The following ASIC1 variants were observed in gnomAD, a reference collection of about 807,000 sequenced individuals.
The protein encoded by ASIC1 is acid sensing ion channel subunit 1.
A neutral mutation model predicts 63.4 loss-of-function variants in ASIC1; 21 were observed. The ratio of observed to expected loss-of-function variants is 0.33; its 90% CI spans 0.23 to 0.48. The LOEUF (loss-of-function observed/expected upper bound fraction) is 0.48, where lower values mean the gene tolerates loss of function less well. Ranked by LOEUF, ASIC1 falls within the 20% of genes least tolerant of loss-of-function variation. The pLI is 0.99. For synonymous variants in ASIC1, 258 were observed against 278.2 expected, an observed-to-expected ratio of 0.93 and a Z score of 0.72; for missense variants, 478 against 695.5, an observed-to-expected ratio of 0.69 and a Z score of 3.52.
rs991791233 is a variant in ASIC1 at position 50,075,196 on chromosome 12, G to A, written c.559-2017G>A. ...CTCAGTCCTCCACCCCCTCCCTAGC[G>A]TAGGGGCAGGGGGTGTCATCATACC... On this transcript the variant is annotated intron_variant, in intron 3 of 11. Transcript: ENST00000447966. Among the ~76,000 whole-genome samples the A allele has an allele frequency of 1.1e-4, 17 of 152,204 alleles. No homozygotes were observed. The South Asian group carries it at 1.2e-3, about 11-fold the overall frequency.
At chr12:50,080,195 C>T in intron 8 of ASIC1, 140 bp downstream of exon 8, 3 of 1,229,108 alleles carry the variant, frequency 2.4e-6, no homozygotes, top group Non-Finnish European at 3.4e-6. Flanking sequence ...AGCAAAGAGT[C>T]TAGGGTGGGT....
rs1565723990 is a variant in ASIC1, at chr12:50,059,930, C to A, written c.534C>A (p.Val178=). 1.9e-6 allele frequency: 3 copies of A among 1,614,064 alleles called. No homozygotes were observed. Among genetic ancestry groups the A allele is most frequent in the Non-Finnish European group, 2.5e-6 (3 of 1,180,002 alleles). Reference sequence around the variant, plus strand: ...TCTCCTGCCACTTCCGGGGGGAGGTCTGCAGCGCTGAAGACTTCAAGGTGG... The same window carrying A: ...TCTCCTGCCACTTCCGGGGGGAGGTATGCAGCGCTGAAGACTTCAAGGTGG... The part of the protein sequence containing the change: ...MLLSCHFRGE[V]CSAEDFKVVF... The change falls in exon 3 of 12, where the codon GTC becomes GTA. Residue 178 remains valine (V), a synonymous_variant. Transcript: ENST00000447966. The surrounding 1 kb of genome is among the most constrained non-coding windows in gnomAD (Gnocchi z 4.6).
chr12:50,058,259 C>A (rs1387615475), intron 1 of ASIC1, among the ~76,000 whole-genome samples: 5 of 152,188 alleles, frequency 3.3e-5, no homozygotes, highest in Non-Finnish European at 7.3e-5. Flanking sequence ...TAGATGTAGC[C>A]ACCTCCCTGG....
In ASIC1 at chr12:50,074,094, G is replaced by A; in HGVS notation, c.559-3119G>A. 1.3e-6 allele frequency: 2 copies of A among 1,535,518 alleles called. No homozygotes were observed. Among genetic ancestry groups the A allele is most frequent in the East Asian group, 2.4e-5 (1 of 40,908 alleles). On this transcript the variant is annotated intron_variant, in intron 3 of 11. Coordinates refer to ENST00000447966, the MANE Select transcript of ASIC1 (RefSeq NM_001095.4). The surrounding 1 kb of genome is among the most constrained non-coding windows in gnomAD (Gnocchi z 4.2). Reference sequence around the variant, plus strand: ...GACTGGATGAAAGTGATGACCCCGGGGTGCCCCTCGCTCCACCGGGCCCTG... The same window carrying A: ...GACTGGATGAAAGTGATGACCCCGGAGTGCCCCTCGCTCCACCGGGCCCTG...
chr12:50,069,536 C>T lies in ASIC1; in HGVS notation c.559-7677C>T, dbSNP rs367941281. Among the ~76,000 whole-genome samples the T allele has an allele frequency of 1.2e-4, 18 of 152,220 alleles. No homozygotes were observed. In the East Asian group the frequency reaches 1.9e-3, roughly 16 times the overall value. On this transcript the variant is annotated intron_variant, in intron 3 of 11. Coordinates refer to ENST00000447966, the MANE Select transcript of ASIC1 (RefSeq NM_001095.4). ...CTTGAACTCCTGGCCTCAAGTGATC[C>T]GCCCATTTCAGCCTCCCAAAGTGCT...
chr12:50,081,046 CTGCTGCCCCCA>C, intron 9 of ASIC1, 45 bp from the exon 10 acceptor site: 1 of 1,483,424 alleles, frequency 6.7e-7, no homozygotes, highest in South Asian at 1.2e-5. Context: ...CCAGTAAACC[CTGCTGCCCCCA>C]CGATGTCCTG....
chr12:50,078,414 C>T lies in ASIC1; in HGVS notation c.838-7C>T. On this transcript the variant is annotated splice_region_variant and splice_polypyrimidine_tract_variant and intron_variant, in intron 5 of 11. Transcript: ENST00000447966. The surrounding 1 kb of genome is among the most constrained non-coding windows in gnomAD (Gnocchi z 6.0). ...GCACTCCCCCAGCTCCCCGGCTCTC[C>T]CAGCAGCTCATCTACCTGCCCCCAC... is the stretch of plus-strand genomic sequence containing the variant. 1 of 1,613,800 alleles carries T rather than the reference C, an allele frequency of 6.2e-7. No individual in the cohort carries two copies. The highest frequency in any genetic ancestry group is 8.5e-7 in the Non-Finnish European group (1 of 1,179,824).
intron 7 of ASIC1, 55 bp downstream of exon 7, chr12:50,079,035 C>T (rs1950687755): frequency 7.7e-6 from 12 of 1,559,118 alleles, no homozygotes; most frequent in Non-Finnish European, 9.7e-6. Context: ...CTGCCAGCCA[C>T]GTGCGCAGGA....
intron 3 of ASIC1, among the ~76,000 whole-genome samples, chr12:50,068,275 G>A (rs1231301024): frequency 6.6e-6 from 1 of 152,148 alleles, no homozygotes; most frequent in African/African-American, 2.4e-5. Flanking sequence ...ACTGATGCTA[G>A]ACATTTGGGT....
In ASIC1 at chr12:50,078,502, A is replaced by T. The variant is rs1255607107; in HGVS notation, c.919A>T (p.Ile307Phe). ...SDLDFFDSYSITACRIDCETR... is the reference protein window; with the variant it reads ...SDLDFFDSYSFTACRIDCETR... The stretch of plus-strand genomic sequence containing the variant: ...TTTGGATTTCTTCGACTCCTACAGC[A>T]TCACTGCCTGCCGCATCGACTGTGA... Residue 307 changes from isoleucine to phenylalanine, a missense_variant, in exon 6 of 12, where the codon ATC becomes TTC. Physicochemically the swap from Ile to Phe is conservative, Grantham distance 21. This residue lies in a region of ASIC1 where 290 missense variants were observed against 414.9 expected (regional missense o/e 0.70). Coordinates refer to ENST00000447966, the MANE Select transcript of ASIC1 (RefSeq NM_001095.4). This position sits in a 1 kb window ranked among gnomAD's most constrained non-coding sequence, Gnocchi z 6.0. 6.2e-7 allele frequency: 1 copy of T among 1,614,118 alleles called. No homozygotes were observed. Among genetic ancestry groups the T allele is most frequent in the Non-Finnish European group, 8.5e-7 (1 of 1,180,000 alleles).
rs568841883 is a variant in ASIC1, at chr12:50,058,015, C to T, written c.-17+99C>T. 3 of 137,866 alleles carry T rather than the reference C, an allele frequency of 2.2e-5. No individual in the cohort carries two copies. In the South Asian group the frequency reaches 8.3e-4, roughly 38 times the overall value. The allele number at this position is 137,866 out of a possible 1,614,324, so 8.5% of individuals were successfully genotyped here. A position where few individuals can be genotyped will look rare whatever the true frequency, so the allele number is the denominator to read the frequency against. ...GATTTCCCTTGCTGCTGGGGCGGCT[C>T]GGTGGCTGGGGAGGGGGGCGGGGGC... On this transcript the variant is annotated intron_variant, in intron 1 of 11. Transcript: ENST00000447966.
chr12:50,081,432 C>A lies in ASIC1; in HGVS notation c.1482+68C>A. The stretch of plus-strand genomic sequence containing the variant: ...CCACCGCCCCAGGAACCCCGTCCAC[C>A]CCCGCCCACCCGCCTCTGCCACCAC... On this transcript the variant is annotated intron_variant, in intron 11 of 11. Coordinates refer to ENST00000447966, the MANE Select transcript of ASIC1 (RefSeq NM_001095.4). 9.1e-6 allele frequency: 13 copies of A among 1,425,948 alleles called. No individual in the cohort carries two copies. The South Asian group carries it at 1.0e-4, about 11-fold the overall frequency. The allele number at this position is 1,425,948 out of a possible 1,614,324, so 88.3% of individuals were successfully genotyped here.
chr12:50,060,036 G>A (rs866075619), intron 3 of ASIC1, 82 bp downstream of exon 3: 14 of 1,503,622 alleles, frequency 9.3e-6, no homozygotes, highest in Middle Eastern at 1.8e-4. Flanking sequence ...GGCCTCTCCG[G>A]GTGCTTGCTA....
rs1053175759 is a variant in ASIC1, at chr12:50,078,790, T to C, written c.995-134T>C. ...GTATGGACCTGGAGTGGGTCACTTC[T>C]GGGGCAGCATGGGGGCCTGCCAGTC... On this transcript the variant is annotated intron_variant, in intron 6 of 11. Coordinates refer to ENST00000447966, the MANE Select transcript of ASIC1 (RefSeq NM_001095.4). The surrounding 1 kb of genome is among the most constrained non-coding windows in gnomAD (Gnocchi z 6.0). The C allele has an allele frequency of 6.8e-5, 90 of 1,314,304 alleles. 4 individuals are homozygous for C. The South Asian group carries it at 1.1e-3, about 15-fold the overall frequency. 81.4% of individuals were successfully genotyped at this position (1,314,304 alleles called of 1,614,324 possible).
chr12:50,078,957 A>G lies in ASIC1; in HGVS notation c.1028A>G (p.Lys343Arg), dbSNP rs370903150. 3.1e-6 allele frequency: 5 copies of G among 1,613,768 alleles called. No homozygotes were observed. The African/African-American group carries it at 6.7e-5, about 22-fold the overall frequency. The change falls in exon 7 of 12, where the codon AAG becomes AGG. Residue 343 changes from lysine (K) to arginine (R), a missense_variant. This residue lies in a region of ASIC1 where 84 missense variants were observed against 183.5 expected (regional missense o/e 0.46). Coordinates refer to ENST00000447966, the MANE Select transcript of ASIC1 (RefSeq NM_001095.4). The surrounding 1 kb of genome is among the most constrained non-coding windows in gnomAD (Gnocchi z 6.0). Reference sequence around the variant, plus strand: ...CCATACTGTACTCCAGAGCAGTACAAGGAGTGTGCAGATCCTGCTCTGGGT... The same window carrying G: ...CCATACTGTACTCCAGAGCAGTACAGGGAGTGTGCAGATCCTGCTCTGGGT... Reference protein sequence around the residue: ...DAPYCTPEQYKECADPALDFL... With the variant: ...DAPYCTPEQYRECADPALDFL...
chr12:50,078,388 C>T lies in ASIC1; in HGVS notation c.838-33C>T, dbSNP rs752923922. On this transcript the variant is annotated intron_variant, in intron 5 of 11. Transcript: ENST00000447966. This position sits in a 1 kb window ranked among gnomAD's most constrained non-coding sequence, Gnocchi z 6.0. ...TCAAGCTGATTTGGGGAGAAGTCCC[C>T]GCACTCCCCCAGCTCCCCGGCTCTC... 17 of 1,611,274 alleles carry T rather than the reference C, an allele frequency of 1.1e-5. No individual in the cohort carries two copies. The highest frequency in any genetic ancestry group is 8.3e-5 in the Admixed American group (5 of 59,892).
Position 50,077,980 on chromosome 12 carries a change from C to G in ASIC1, c.710-20C>G. ...GGGAGTCAGGAGCCCTCCCAACCCA[C>G]ACACTCCTCATTCCCCTAGACGAGA... On this transcript the variant is annotated intron_variant, in intron 4 of 11. Coordinates refer to ENST00000447966, the MANE Select transcript of ASIC1 (RefSeq NM_001095.4). The G allele has an allele frequency of 1.2e-6, 2 of 1,600,188 alleles. No homozygotes were observed. The highest frequency in any genetic ancestry group is 1.7e-6 in the Non-Finnish European group (2 of 1,172,668).
chr12:50,081,280 C>CCGA lies in ASIC1; in HGVS notation c.1402_1404dup (p.Arg468dup). 1 of 1,609,218 alleles carries CCGA rather than the reference C, an allele frequency of 6.2e-7. No homozygotes were observed. The highest frequency in any genetic ancestry group is 8.5e-7 in the Non-Finnish European group (1 of 1,177,900). On this transcript the variant is annotated inframe_insertion, in exon 11 of 12. Transcript: ENST00000447966. ...CCTAGGTCATTAAGCACAAGCTGTG[C>CCGA]CGACGAGGAAAATGCCAGAAGGAGG...
chr12:50,079,974 A>C lies in ASIC1; in HGVS notation c.1124A>C (p.Glu375Ala). The change falls in exon 8 of 12, where the codon GAG becomes GCG. Residue 375 changes from glutamate to alanine, a missense_variant. Physicochemically the swap from Glu to Ala is moderately radical, Grantham distance 107 (BLOSUM62 -1). Transcript: ENST00000447966. Reference protein sequence around the residue: ...MPCNLTRYGKELSMVKIPSKA... With the variant: ...MPCNLTRYGKALSMVKIPSKA... ...TGCAACCTGACCCGCTATGGCAAAGAGCTGTCCATGGTCAAGATCCCCAGC... is the reference window on the plus strand; with the variant it reads ...TGCAACCTGACCCGCTATGGCAAAGCGCTGTCCATGGTCAAGATCCCCAGC... 1 of 1,614,100 alleles carries C rather than the reference A, an allele frequency of 6.2e-7. No individual in the cohort carries two copies. Among genetic ancestry groups the C allele is most frequent in the Non-Finnish European group, 8.5e-7 (1 of 1,179,998 alleles).
Sources: gnomAD v4.1 joint callset for allele counts (sites outside exome capture counted in the v4.1 genomes callset) on GRCh38, gnomAD v4.1.1 for gene constraint, gnomAD v4.1.1 regional missense constraint, Gnocchi (gnomAD v3.1) non-coding constraint, MANE v1.5 for transcripts, NCBI Gene and HGNC (gene_info 2026-07-23, HGNC 2026-07-21) for gene names.